Variants in RPEL1 observed in about 807,000 individuals in gnomAD.
The protein encoded by RPEL1 is ribulose-5-phosphate-3-epimerase like 1.
A neutral mutation model predicts 12.8 loss-of-function variants in RPEL1; 7 were observed. The observed-to-expected ratio is 0.55, with a 90% CI of 0.31 to 1.03. The LOEUF is 1.03. Ranked by LOEUF, RPEL1 falls within the 50% of genes least tolerant of loss-of-function variation. The pLI, the probability that RPEL1 is intolerant of heterozygous loss-of-function variation, is 0.05. For missense variants in RPEL1, 237 were observed against 289.4 expected (o/e 0.82, Z 1.31); for synonymous variants, 91 against 102.0 (o/e 0.89, Z 0.65).
rs1409506976 is a variant in RPEL1, at chr10:103,247,328, A to G, written c.*645A>G. 3 of 168,190 alleles carry G rather than the reference A, an allele frequency of 1.8e-5. 1 individual carries two copies. The highest frequency in any genetic ancestry group is 4.3e-5 in the Non-Finnish European group (3 of 69,078). The allele number at this position is 168,190 out of a possible 1,614,324, so 10.4% of individuals were successfully genotyped here. ...CTCCCCACCATTCTTAAGGACGTTA[A>G]ATAATGCTGTTGTGTTAGCTCTGAG... is the stretch of plus-strand genomic sequence containing the variant. On this transcript the variant is annotated 3_prime_UTR_variant, in exon 1 of 1. Coordinates refer to ENST00000441178, the MANE Select transcript of RPEL1 (RefSeq NM_001143909.1).
In RPEL1 at chr10:103,246,257, A is replaced by C. The variant is rs1468498359; in HGVS notation, c.261A>C (p.Glu87Asp). ...GGGTAAAGCCAATGGCTGTAGCAGA[A>C]GCCAATCAGTACACCTTTCATCTCG... ...EQWVKPMAVA[E>D]ANQYTFHLEA... The change falls in exon 1 of 1, where the codon GAA becomes GAC. Residue 87 changes from glutamate (E) to aspartate (D), a missense_variant. Glu to Asp is a conservative substitution (Grantham distance 45, BLOSUM62 2). Coordinates refer to ENST00000441178, the MANE Select transcript of RPEL1 (RefSeq NM_001143909.1). The C allele has an allele frequency of 1.2e-6, 2 of 1,614,254 alleles. No individual in the cohort carries two copies. The highest frequency in any genetic ancestry group is 8.5e-7 in the Non-Finnish European group (1 of 1,180,054).
chr10:103,246,517 G>T lies in RPEL1; in HGVS notation c.521G>T (p.Gly174Val), dbSNP rs780155864. 6.8e-6 allele frequency: 11 copies of T among 1,614,182 alleles called. No individual in the cohort carries two copies. The highest frequency in any genetic ancestry group is 1.6e-4 in the Middle Eastern group (1 of 6,062). Reference protein sequence around the residue: ...RTQFPSLDIEGDGGVGSDTVH... With the variant: ...RTQFPSLDIEVDGGVGSDTVH... ...CAGTTCCCATCTTTGGATATAGAGG[G>T]CGATGGTGGAGTAGGTTCTGACACT... is the stretch of plus-strand genomic sequence containing the variant. The change falls in exon 1 of 1, where the codon GGC becomes GTC. Residue 174 changes from glycine to valine, a missense_variant. Gly to Val is a moderately radical substitution (Grantham distance 109, BLOSUM62 -3). Coordinates refer to ENST00000441178, the MANE Select transcript of RPEL1 (RefSeq NM_001143909.1).
rs368384023 is a variant in RPEL1, at chr10:103,246,072, A to G, written c.76A>G (p.Met26Val). 359 of 1,614,066 alleles carry G rather than the reference A, an allele frequency of 2.2e-4. No individual in the cohort carries two copies. The highest frequency in any genetic ancestry group is 2.8e-4 in the Non-Finnish European group (332 of 1,180,030). ...CAATTTAGGGGCCAAGTGCCTCCAG[A>G]TGCTAGACTCTGGGGCCGATTATCT... ...LANLGAKCLQMLDSGADYLHL... is the reference protein window; with the variant it reads ...LANLGAKCLQVLDSGADYLHL... The change falls in exon 1 of 1, where the codon ATG (methionine) becomes GTG (valine). Residue 26 changes from methionine (M) to valine (V), a missense_variant. Coordinates refer to ENST00000441178, the MANE Select transcript of RPEL1 (RefSeq NM_001143909.1).
In RPEL1 at chr10:103,246,129, C is replaced by T; in HGVS notation, c.133C>T (p.Pro45Ser). Reference sequence around the variant, plus strand: ...GGATGTAATGGATGGGCATTTTGTTCCCAACATCACCTTTGGTCACCCTGT... The same window carrying T: ...GGATGTAATGGATGGGCATTTTGTTTCCAACATCACCTTTGGTCACCCTGT... ...HLDVMDGHFV[P>S]NITFGHPVVE... The change falls in exon 1 of 1, where the codon CCC becomes TCC. Residue 45 changes from proline to serine, a missense_variant. Physicochemically the swap from Pro to Ser is moderately conservative, Grantham distance 74 (BLOSUM62 -1). Transcript: ENST00000441178. The T allele has an allele frequency of 6.2e-7, 1 of 1,614,144 alleles. No homozygotes were observed. Among genetic ancestry groups the T allele is most frequent in the East Asian group, 2.2e-5 (1 of 44,882 alleles).
In RPEL1 at chr10:103,246,519, G is replaced by A. The variant is rs1479690759; in HGVS notation, c.523G>A (p.Asp175Asn). ...TQFPSLDIEG[D>N]GGVGSDTVHK... ...GTTCCCATCTTTGGATATAGAGGGC[G>A]ATGGTGGAGTAGGTTCTGACACTGT... The change falls in exon 1 of 1, where the codon GAT becomes AAT. Residue 175 changes from aspartate (D) to asparagine (N), a missense_variant. Physicochemically the swap from Asp to Asn is conservative, Grantham distance 23 (BLOSUM62 1). Transcript: ENST00000441178. 5 of 1,614,196 alleles carry A rather than the reference G, an allele frequency of 3.1e-6. No homozygotes were observed. The highest frequency in any genetic ancestry group is 4.2e-6 in the Non-Finnish European group (5 of 1,180,040).
At position 103,246,861 on chromosome 10, in the gene RPEL1, A is replaced by G; in HGVS notation, c.*178A>G. 1 of 793,904 alleles carries G rather than the reference A, an allele frequency of 1.3e-6. No homozygotes were observed. Among genetic ancestry groups the G allele is most frequent in the Non-Finnish European group, 2.0e-6 (1 of 504,004 alleles). The allele number at this position is 793,904 out of a possible 1,614,324, so 49.2% of individuals were successfully genotyped here. On this transcript the variant is annotated 3_prime_UTR_variant, in exon 1 of 1. Transcript: ENST00000441178. ...TAAGAGGTCAGAAATTGGTGTGTAT[A>G]ACTACATTTTTAGTGATGCAATTTA...
In RPEL1 at chr10:103,246,610, A is replaced by T. The variant is rs1364641772; in HGVS notation, c.614A>T (p.Asp205Val). ...VSGSAIMRSE[D>V]PRSVINLLRN... ...GGCAGTGCTATTATGAGGAGTGAAG[A>T]CCCCAGATCTGTGATCAACCTATTA... Residue 205 changes from aspartate (D) to valine (V), a missense_variant, in exon 1 of 1, where the codon GAC becomes GTC. Coordinates refer to ENST00000441178, the MANE Select transcript of RPEL1 (RefSeq NM_001143909.1). 7 of 1,614,000 alleles carry T rather than the reference A, an allele frequency of 4.3e-6. No individual in the cohort carries two copies. In the East Asian group the frequency reaches 1.1e-4, roughly 26 times the overall value.
chr10:103,246,271 C>CCTTT, the RPEL1 span: 7 of 1,614,204 alleles, frequency 4.3e-6, no homozygotes, highest in Non-Finnish European at 5.9e-6. Context: ...AATCAGTACA[C>CCTTT]CTTTCATCTC....
At position 103,246,149 on chromosome 10, in the gene RPEL1, C is replaced by A. The variant is rs1021141545; in HGVS notation, c.153C>A (p.His51Gln). 1.2e-6 allele frequency: 2 copies of A among 1,614,082 alleles called. No homozygotes were observed. Among genetic ancestry groups the A allele is most frequent in the African/African-American group, 2.7e-5 (2 of 74,920 alleles). ...TTGTTCCCAACATCACCTTTGGTCA[C>A]CCTGTGGTAGAAAGCCTTCGAAAGC... Reference protein sequence around the residue: ...GHFVPNITFGHPVVESLRKQL... With the variant: ...GHFVPNITFGQPVVESLRKQL... Residue 51 changes from histidine (H) to glutamine (Q), a missense_variant, in exon 1 of 1, where the codon CAC becomes CAA. Transcript: ENST00000441178.
Position 103,246,659 on chromosome 10 carries a change from T to C in RPEL1, c.663T>C (p.Ala221=). ...TAAGAAATATTTGCTCAGAAGCTGCTCAGAAACGTTCTCTTGATCGATGAA... is the reference window on the plus strand; with the variant it reads ...TAAGAAATATTTGCTCAGAAGCTGCCCAGAAACGTTCTCTTGATCGATGAA... ...NLLRNICSEA[A]QKRSLDR The change falls in exon 1 of 1, where the codon GCT becomes GCC. Residue 221 remains alanine, a synonymous_variant. Transcript: ENST00000441178. 1 of 1,613,552 alleles carries C rather than the reference T, an allele frequency of 6.2e-7. No homozygotes were observed. The highest frequency in any genetic ancestry group is 8.5e-7 in the Non-Finnish European group (1 of 1,179,670).
Position 103,246,191 on chromosome 10 carries a change from T to A in RPEL1, c.195T>A (p.Pro65=), listed in dbSNP as rs1301538777. The A allele has an allele frequency of 6.2e-7, 1 of 1,614,202 alleles. No homozygotes were observed. Among genetic ancestry groups the A allele is most frequent in the Non-Finnish European group, 8.5e-7 (1 of 1,180,044 alleles). Residue 65 remains proline, a synonymous_variant, in exon 1 of 1, where the codon CCT becomes CCA. Coordinates refer to ENST00000441178, the MANE Select transcript of RPEL1 (RefSeq NM_001143909.1). ...ESLRKQLGQD[P]FFDMHMMVSK... ...TTCGAAAGCAGCTAGGCCAGGACCC[T>A]TTCTTTGACATGCACATGATGGTGT... is the stretch of plus-strand genomic sequence containing the variant.
rs1448745320 is a variant in RPEL1, at chr10:103,247,195, A to G, written c.*512A>G. ...TAAAATCTATCACTTTTCACCTTAC[A>G]CTTAATGTGTAAAAACTATAAAAAC... On this transcript the variant is annotated 3_prime_UTR_variant, in exon 1 of 1. Transcript: ENST00000441178. The G allele has an allele frequency of 5.8e-6, 1 of 173,894 alleles. No homozygotes were observed. The highest frequency in any genetic ancestry group is 1.4e-5 in the Non-Finnish European group (1 of 72,492). The allele number at this position is 173,894 out of a possible 1,614,324, so 10.8% of individuals were successfully genotyped here.
Position 103,245,947 on chromosome 10 carries a change from C to G in RPEL1, c.-50C>G, listed in dbSNP as rs761927246. 6.3e-7 allele frequency: 1 copy of G among 1,588,632 alleles called. No homozygotes were observed. Among genetic ancestry groups the G allele is most frequent in the South Asian group, 1.1e-5 (1 of 88,714 alleles). On this transcript the variant is annotated 5_prime_UTR_variant, in exon 1 of 1. Coordinates refer to ENST00000441178, the MANE Select transcript of RPEL1 (RefSeq NM_001143909.1). The stretch of plus-strand genomic sequence containing the variant: ...GTTTTAAAAAAAAAAAAAGTGGGCT[C>G]TAGTCTTGCCGGGGACTCGTGGGGT...
Position 103,246,950 on chromosome 10 carries a change from G to T in RPEL1, c.*267G>T. ...TGATTTTTATAAAGAGTAAAAATACGGCTGCATTAAGGTTACAAACAGAAA... is the reference window on the plus strand; with the variant it reads ...TGATTTTTATAAAGAGTAAAAATACTGCTGCATTAAGGTTACAAACAGAAA... On this transcript the variant is annotated 3_prime_UTR_variant, in exon 1 of 1. Coordinates refer to ENST00000441178, the MANE Select transcript of RPEL1 (RefSeq NM_001143909.1). 2.0e-6 allele frequency: 1 copy of T among 509,732 alleles called. No individual in the cohort carries two copies. 31.6% of individuals were successfully genotyped at this position (509,732 alleles called of 1,614,324 possible).
chr10:103,246,703 T>C lies in RPEL1; in HGVS notation c.*20T>C, dbSNP rs1447441711. ...CGATGAAACCATAAGGAGCCCAATG[T>C]TTCTGTTCATGAAATCTCCCTTTTA... On this transcript the variant is annotated 3_prime_UTR_variant, in exon 1 of 1. Transcript: ENST00000441178. 6 of 1,600,206 alleles carry C rather than the reference T, an allele frequency of 3.7e-6. No homozygotes were observed. The highest frequency in any genetic ancestry group is 3.5e-5 in the Admixed American group (2 of 57,480).
chr10:103,246,902 G>C lies in RPEL1; in HGVS notation c.*219G>C. The C allele has an allele frequency of 1.6e-6, 1 of 623,216 alleles. No homozygotes were observed. Among genetic ancestry groups the C allele is most frequent in the Non-Finnish European group, 2.8e-6 (1 of 358,008 alleles). The allele number at this position is 623,216 out of a possible 1,614,324, so 38.6% of individuals were successfully genotyped here. A position where few individuals can be genotyped will look rare whatever the true frequency, so the allele number is the denominator to read the frequency against. ...ATGCAATTTAATGATTAGTGAGTAA[G>C]ATACTGTTTTTATTGAGAGACTTGA... On this transcript the variant is annotated 3_prime_UTR_variant, in exon 1 of 1. Transcript: ENST00000441178.
In RPEL1 at chr10:103,246,112, T is replaced by C. The variant is rs2093007559; in HGVS notation, c.116T>C (p.Met39Thr). The C allele has an allele frequency of 3.1e-6, 5 of 1,614,036 alleles. No individual in the cohort carries two copies. The highest frequency in any genetic ancestry group is 2.2e-5 in the East Asian group (1 of 44,890). ...GCCGATTATCTGCATCTGGATGTAATGGATGGGCATTTTGTTCCCAACATC... is the reference window on the plus strand; with the variant it reads ...GCCGATTATCTGCATCTGGATGTAACGGATGGGCATTTTGTTCCCAACATC... ...SGADYLHLDVMDGHFVPNITF... is the reference protein window; with the variant it reads ...SGADYLHLDVTDGHFVPNITF... Residue 39 changes from methionine (M) to threonine (T), a missense_variant, in exon 1 of 1, where the codon ATG becomes ACG. By Grantham distance (81) the Met-to-Thr change is moderately conservative. Transcript: ENST00000441178.
At position 103,246,348 on chromosome 10, in the gene RPEL1, G is replaced by A. The variant is rs1394720066; in HGVS notation, c.352G>A (p.Ala118Thr). Residue 118 changes from alanine (A) to threonine (T), a missense_variant, in exon 1 of 1, where the codon GCC (alanine) becomes ACC (threonine). Coordinates refer to ENST00000441178, the MANE Select transcript of RPEL1 (RefSeq NM_001143909.1). ...GGAGAATGGGATGAAGGTTGGCCTT[G>A]CCATCAAACCAGGAACCTCAGTTGA... ...IRENGMKVGL[A>T]IKPGTSVEYL... 3.1e-6 allele frequency: 5 copies of A among 1,614,218 alleles called. No individual in the cohort carries two copies. In the East Asian group the frequency reaches 6.7e-5, roughly 22 times the overall value.
Sources: gnomAD v4.1 joint callset for allele counts on GRCh38, gnomAD v4.1.1 for gene constraint, MANE v1.5 for transcripts, NCBI Gene and HGNC (gene_info 2026-07-23, HGNC 2026-07-21) for gene names.